The following MRPL1 variants were observed in gnomAD, a reference collection of about 807,000 sequenced individuals.
MRPL1 encodes the protein mitochondrial ribosomal protein L1.
MRPL1 carries 28 observed loss-of-function variants against 38.0 expected under a neutral mutation model. That is an observed-to-expected ratio of 0.74 (90% CI 0.55 to 1.01). The LOEUF is 1.01. MRPL1 is among the 50% of genes least tolerant of loss of function. The pLI is 0.00. For missense variants in MRPL1, 358 were observed against 389.8 expected (o/e 0.92, Z 0.69); for synonymous variants, 123 against 126.7 (o/e 0.97, Z 0.20).
intron 2 of MRPL1, among the ~76,000 whole-genome samples, chr4:77,876,860 T>G (rs754432957): frequency 4.6e-5 from 7 of 152,126 alleles, no homozygotes; most frequent in Non-Finnish European, 8.8e-5. Flanking sequence ...GTTTTGTTTC[T>G]CTCTTGACTG....
chr4:77,950,863 C>T (rs1262422779), intron 8 of MRPL1, among the ~76,000 whole-genome samples: 1 of 152,082 alleles, frequency 6.6e-6, no homozygotes, highest in Non-Finnish European at 1.5e-5. Flanking sequence ...TTGTGATTCT[C>T]TTTTTGCCAT....
At chr4:77,900,989 G>GT (rs1336911106) in intron 6 of MRPL1, among the ~76,000 whole-genome samples, 1 of 151,982 alleles carries the variant, frequency 6.6e-6, no homozygotes, top group Non-Finnish European at 1.5e-5. Flanking sequence ...TTGATTAAAT[G>GT]TAGGGGGTAA....
chr4:77,949,850 A>G lies in MRPL1; in HGVS notation c.831A>G (p.Glu277=). Residue 277 remains glutamate (E), a synonymous_variant, in exon 8 of 9, where the codon GAA becomes GAG. Coordinates refer to ENST00000315567, the MANE Select transcript of MRPL1 (RefSeq NM_020236.4). The stretch of plus-strand genomic sequence containing the variant: ...CCAATCTGCAAGCAGTTATTAATGA[A>G]GTTTGTAGGCACAGACCGCTGAATT... ...IAANLQAVIN[E]VCRHRPLNLG... The G allele has an allele frequency of 6.2e-7, 1 of 1,611,478 alleles. No homozygotes were observed. The highest frequency in any genetic ancestry group is 8.5e-7 in the Non-Finnish European group (1 of 1,178,578).
Position 77,950,975 on chromosome 4 carries a change from A to C in MRPL1, c.859+1097A>C, listed in dbSNP as rs550433844. Among the ~76,000 whole-genome samples the C allele has an allele frequency of 5.3e-5, 8 of 152,286 alleles. No individual in the cohort carries two copies. In the South Asian group the frequency reaches 1.7e-3, roughly 32 times the overall value. On this transcript the variant is annotated intron_variant, in intron 8 of 8. Coordinates refer to ENST00000315567, the MANE Select transcript of MRPL1 (RefSeq NM_020236.4). ...AACCTCCGCCTCCCGGGTTCAAGCA[A>C]TTCTTCTGCCTCAGCCTCCCAAGTA...
chr4:77,935,930 T>TC (rs1256745772), intron 7 of MRPL1, among the ~76,000 whole-genome samples: 5 of 50,386 alleles, frequency 9.9e-5, no homozygotes, highest in Non-Finnish European at 1.8e-4. Context: ...AGACTATGTC[T>TC]CAAAAAAAAA....
At chr4:77,926,871 A>C (rs1736724401) in intron 7 of MRPL1, among the ~76,000 whole-genome samples, 1 of 152,114 alleles carries the variant, frequency 6.6e-6, no homozygotes. Context: ...GGCCTCCTAA[A>C]GTGCTGGGAT....
chr4:77,937,870 G>A (rs1409131466), intron 7 of MRPL1, among the ~76,000 whole-genome samples: 1 of 151,956 alleles, frequency 6.6e-6, no homozygotes, highest in South Asian at 2.1e-4. Flanking sequence ...AAATGACAAT[G>A]CATTTCTTAG....
In MRPL1 at chr4:77,904,632, A is replaced by G. The variant is rs116002662; in HGVS notation, c.671-4634A>G. Among the ~76,000 whole-genome samples, 793 of 152,338 alleles carry G rather than the reference A, an allele frequency of 5.2e-3. 5 individuals carry two copies. Among genetic ancestry groups the G allele is most frequent in the South Asian group, 0.01 (49 of 4,828 alleles). ...ACAGTTTGAGATGTGAGACTTTATC[A>G]TAGAGCTACAGTAATCAAGACAGTG... On this transcript the variant is annotated intron_variant, in intron 6 of 8. Transcript: ENST00000315567.
At chr4:77,894,004 T>A (rs991927561) in intron 5 of MRPL1, 135 bp from the exon 6 acceptor site, 2 of 615,840 alleles carry the variant, frequency 3.2e-6, no homozygotes, top group African/African-American at 3.9e-5. Flanking sequence ...ATTTGTATGA[T>A]CTTTGTGTTT....
intron 2 of MRPL1, among the ~76,000 whole-genome samples, chr4:77,875,478 TATCTCTACTA>T (rs1735369299): frequency 6.6e-6 from 1 of 151,832 alleles, no homozygotes; most frequent in Non-Finnish European, 1.5e-5. Context: ...GGTGAAACCC[TATCTCTACTA>T]AAAATACCAA....
At position 77,936,904 on chromosome 4, in the gene MRPL1, C is replaced by T. The variant is rs374401010; in HGVS notation, c.778-12893C>T. Among the ~76,000 whole-genome samples, 173 of 152,180 alleles carry T rather than the reference C, an allele frequency of 1.1e-3. 1 individual carries two copies. Among genetic ancestry groups the T allele is most frequent in the African/African-American group, 4.0e-3 (168 of 41,492 alleles). On this transcript the variant is annotated intron_variant, in intron 7 of 8. Coordinates refer to ENST00000315567, the MANE Select transcript of MRPL1 (RefSeq NM_020236.4). ...CTTTGGGAAGCCGAGATGGGAGAAT[C>T]GCCTGAGCCAAGGAGTTCAAGAGTA...
chr4:77,864,265 C>G (rs1735076632), intron 1 of MRPL1, among the ~76,000 whole-genome samples: 1 of 152,014 alleles, frequency 6.6e-6, no homozygotes, highest in African/African-American at 2.4e-5. Context: ...TCTAGGATAT[C>G]TCTCTGTTAA....
chr4:77,902,204 T>C (rs1219126523), intron 6 of MRPL1, among the ~76,000 whole-genome samples: 1 of 152,012 alleles, frequency 6.6e-6, no homozygotes, highest in Non-Finnish European at 1.5e-5. Context: ...TAGAAGGAAA[T>C]TTATAGTTTT....
At chr4:77,925,613 T>C (rs1736696771) in intron 7 of MRPL1, among the ~76,000 whole-genome samples, 1 of 151,874 alleles carries the variant, frequency 6.6e-6, no homozygotes, top group Non-Finnish European at 1.5e-5. Context: ...CTGAGATGTG[T>C]TGTTGGTTTT....
At chr4:77,872,078 T>G (rs1735292704) in intron 2 of MRPL1, among the ~76,000 whole-genome samples, 2 of 152,166 alleles carry the variant, frequency 1.3e-5, no homozygotes, top group Non-Finnish European at 2.9e-5. Flanking sequence ...AGCAACCTTA[T>G]GAGGAAGCTA....
In MRPL1 at chr4:77,944,568, G is replaced by A. The variant is rs1737210536; in HGVS notation, c.778-5229G>A. Among the ~76,000 whole-genome samples, 4 of 152,140 alleles carry A rather than the reference G, an allele frequency of 2.6e-5. No homozygotes were observed. The South Asian group carries it at 8.3e-4, about 31-fold the overall frequency. ...GTGTCTAGATTGTAATCTCAAGGGCGAGGTTTGTATCTTATTCGTCTTCCT... is the reference window on the plus strand; with the variant it reads ...GTGTCTAGATTGTAATCTCAAGGGCAAGGTTTGTATCTTATTCGTCTTCCT... On this transcript the variant is annotated intron_variant, in intron 7 of 8. Transcript: ENST00000315567.
intron 5 of MRPL1, among the ~76,000 whole-genome samples, chr4:77,888,511 T>C (rs911489474): frequency 1.3e-5 from 2 of 151,678 alleles, no homozygotes; most frequent in African/African-American, 4.8e-5. Flanking sequence ...TCCAAAAAAA[T>C]AAATAAATAA....
chr4:77,952,738 G>T lies in MRPL1; in HGVS notation c.*131G>T, dbSNP rs967376561. On this transcript the variant is annotated 3_prime_UTR_variant, in exon 9 of 9. Transcript: ENST00000315567. ...AAGTGAACTTTAACATTGAAAAATC[G>T]TACAGTCATTTCAAGAATAAGAAAA... is the stretch of plus-strand genomic sequence containing the variant. 2 of 615,102 alleles carry T rather than the reference G, an allele frequency of 3.3e-6. No individual in the cohort carries two copies. Among genetic ancestry groups the T allele is most frequent in the Non-Finnish European group, 5.5e-6 (2 of 361,852 alleles). The allele number at this position is 615,102 out of a possible 1,614,324, so 38.1% of individuals were successfully genotyped here. A position where few individuals can be genotyped will look rare whatever the true frequency, so the allele number is the denominator to read the frequency against.
At chr4:77,945,584 G>T (rs1419561213) in intron 7 of MRPL1, among the ~76,000 whole-genome samples, 1 of 151,810 alleles carries the variant, frequency 6.6e-6, no homozygotes, top group Non-Finnish European at 1.5e-5. Context: ...GGGGGAACCT[G>T]CCCCCAATAT....
Sources: gnomAD v4.1 joint callset for allele counts (sites outside exome capture counted in the v4.1 genomes callset) on GRCh38, gnomAD v4.1.1 for gene constraint, MANE v1.5 for transcripts, NCBI Gene and HGNC (gene_info 2026-07-23, HGNC 2026-07-21) for gene names.